The following GBE1 variants were observed in gnomAD, a reference collection of about 807,000 sequenced individuals.
GBE1 encodes 1,4-alpha-glucan-branching enzyme.
In GBE1, 70 loss-of-function variants were observed where a neutral mutation model predicts 88.8. That is an observed-to-expected ratio of 0.79 (90% CI 0.65 to 0.96). The LOEUF is 0.96. GBE1 is among the 40% of genes least tolerant of loss of function. GBE1 has a pLI of 0.00. For synonymous variants in GBE1, 284 were observed against 300.1 expected (o/e 0.95, Z 0.56); for missense variants, 872 against 871.0 (o/e 1.00, Z -0.01).
At chr3:81,501,758 C>T (rs368585244) in intron 14 of GBE1, among the ~76,000 whole-genome samples, 104 of 130,540 alleles carry the variant, frequency 8.0e-4, no homozygotes, top group African/African-American at 2.9e-3. Context: ...TGTAGTGGCA[C>T]GATCTTGCCT....
rs1258648783 is a variant in GBE1 at position 81,490,365 on chromosome 3, A to G, written c.*42T>C. 2.6e-6 allele frequency: 4 copies of G among 1,545,626 alleles called. No individual in the cohort carries two copies. The highest frequency in any genetic ancestry group is 3.6e-6 in the Non-Finnish European group (4 of 1,117,782). ...TGTGTGACAGTGATAACAAGAAAAC[A>G]AAACACAAATCTGCATCTGGTGGAG... On this transcript the variant is annotated 3_prime_UTR_variant, in exon 16 of 16. Coordinates refer to ENST00000429644, the MANE Select transcript of GBE1 (RefSeq NM_000158.4).
intron 6 of GBE1, among the ~76,000 whole-genome samples, chr3:81,645,988 C>G (rs1377737227): frequency 6.6e-6 from 1 of 152,188 alleles, no homozygotes; most frequent in Non-Finnish European, 1.5e-5. Flanking sequence ...GAGGGAAGGG[C>G]AGCCCTTCTG....
rs192620754 is a variant in GBE1 at position 81,723,587 on chromosome 3, C to T, written c.144-17974G>A. On this transcript the variant is annotated intron_variant, in intron 1 of 15. Coordinates refer to ENST00000429644, the MANE Select transcript of GBE1 (RefSeq NM_000158.4). ...CTGTTGCACAGAGAATCCCAGTGAT[C>T]GATCTATTTTATTATTGTTTGCTTC... Among the ~76,000 whole-genome samples the T allele has an allele frequency of 8.1e-4, 124 of 152,206 alleles. 2 individuals are homozygous for T. The highest frequency in any genetic ancestry group is 4.3e-3 in the Admixed American group (66 of 15,274).
At chr3:81,571,625 A>G (rs748652404) in intron 12 of GBE1, among the ~76,000 whole-genome samples, 1 of 152,196 alleles carries the variant, frequency 6.6e-6, no homozygotes, top group Non-Finnish European at 1.5e-5. Context: ...TACAATCCCC[A>G]GGAGGAAGAA....
chr3:81,526,881 T>C (rs1169073396), intron 14 of GBE1, among the ~76,000 whole-genome samples: 12 of 152,084 alleles, frequency 7.9e-5, no homozygotes, highest in Admixed American at 1.3e-4. Context: ...TTAAAGTTCA[T>C]ATGGAACCAA....
intron 12 of GBE1, among the ~76,000 whole-genome samples, chr3:81,553,718 T>A (rs1208356304): frequency 7.0e-6 from 1 of 143,846 alleles, no homozygotes; most frequent in African/African-American, 2.6e-5. Flanking sequence ...GAAAGTACAA[T>A]GGGGTAGAAA....
At chr3:81,753,050 T>C (rs2107238761) in intron 1 of GBE1, among the ~76,000 whole-genome samples, 2 of 152,324 alleles carry the variant, frequency 1.3e-5, no homozygotes, top group South Asian at 4.1e-4. Flanking sequence ...AAGAAATAAG[T>C]TCACAGAGGT....
chr3:81,495,714 A>G (rs745797773), intron 15 of GBE1, among the ~76,000 whole-genome samples: 4 of 152,178 alleles, frequency 2.6e-5, no homozygotes, highest in Non-Finnish European at 5.9e-5. Context: ...CTTTCTTCTA[A>G]AAAACTATTT....
intron 1 of GBE1, among the ~76,000 whole-genome samples, chr3:81,713,666 G>A (rs1275612886): frequency 6.6e-6 from 1 of 152,072 alleles, no homozygotes; most frequent in African/African-American, 2.4e-5. Context: ...TGGTACACAT[G>A]GTTTCTTATT....
At chr3:81,747,158 G>A (rs1706428900) in intron 1 of GBE1, among the ~76,000 whole-genome samples, 1 of 151,990 alleles carries the variant, frequency 6.6e-6, no homozygotes, top group African/African-American at 2.4e-5. Context: ...TAGAGAAAAT[G>A]TTCAGGTCCT....
intron 14 of GBE1, among the ~76,000 whole-genome samples, chr3:81,512,515 C>T (rs752556346): frequency 5.9e-5 from 9 of 151,778 alleles, no homozygotes; most frequent in Non-Finnish European, 1.3e-4. Flanking sequence ...TTAACCTCTA[C>T]AAATATAAAT....
chr3:81,739,581 C>T (rs1706318624), intron 1 of GBE1, among the ~76,000 whole-genome samples: 1 of 152,156 alleles, frequency 6.6e-6, no homozygotes, highest in Non-Finnish European at 1.5e-5. Flanking sequence ...CTCAAGAGCA[C>T]TGGGACCTAG....
At chr3:81,546,423 G>A (rs112297535) in intron 12 of GBE1, among the ~76,000 whole-genome samples, 4,980 of 151,912 alleles carry the variant, frequency 0.033, 106 homozygotes, top group Non-Finnish European at 0.051. Flanking sequence ...TTGAAGAGGG[G>A]CTGGGTAAAA....
Position 81,750,525 on chromosome 3 carries a change from A to ATATATATATATATGTATATATATATG in GBE1, c.143+10849_143+10850insCATATATATATACATATATATATATA, listed in dbSNP as rs1559708244. Among the ~76,000 whole-genome samples, 5 of 80,742 alleles carry ATATATATATATATGTATATATATATG rather than the reference A, an allele frequency of 6.2e-5. 1 individual carries two copies. Among genetic ancestry groups the ATATATATATATATGTATATATATATG allele is most frequent in the Non-Finnish European group, 1.1e-4 (5 of 46,976 alleles). The allele number at this position is 80,742 out of a possible 152,430, so 53.0% of individuals were successfully genotyped here. ...AAACCAATTTCATCTCAAAACATTC[A>ATATATATATATATGTATATATATATG]TATATATATATACGTATATATATAT... is the stretch of plus-strand genomic sequence containing the variant. On this transcript the variant is annotated intron_variant, in intron 1 of 15. Transcript: ENST00000429644.
At chr3:81,749,829 G>T (rs2107230992) in intron 1 of GBE1, among the ~76,000 whole-genome samples, 1 of 152,204 alleles carries the variant, frequency 6.6e-6, no homozygotes, top group African/African-American at 2.4e-5. Context: ...ATTTACAATT[G>T]TCTAAACAAT....
intron 7 of GBE1, among the ~76,000 whole-genome samples, chr3:81,635,616 C>A (rs1356594140): frequency 6.6e-6 from 1 of 152,172 alleles, no homozygotes; most frequent in African/African-American, 2.4e-5. Flanking sequence ...TGTTTTGCTA[C>A]ACCCAGATAA....
intron 7 of GBE1, among the ~76,000 whole-genome samples, chr3:81,634,199 C>T (rs2107041639): frequency 6.6e-6 from 1 of 152,292 alleles, no homozygotes; most frequent in South Asian, 2.1e-4. Context: ...AGTATAACTC[C>T]AAACTTTCCA....
intron 1 of GBE1, among the ~76,000 whole-genome samples, chr3:81,736,628 G>A (rs966024283): frequency 3.9e-5 from 6 of 152,142 alleles, no homozygotes. Context: ...GGAAATGAGA[G>A]GTAAATGTAC....
chr3:81,739,188 G>A (rs1042995914), intron 1 of GBE1, among the ~76,000 whole-genome samples: 10 of 151,954 alleles, frequency 6.6e-5, no homozygotes, highest in South Asian at 4.1e-4. Context: ...TATAAATTTC[G>A]GCAGAGGGAA....
Sources: allele counts gnomAD v4.1 joint callset (sites outside exome capture counted in the v4.1 genomes callset), GRCh38; gene constraint gnomAD v4.1.1; transcripts MANE v1.5; gene names NCBI Gene and HGNC (gene_info 2026-07-23, HGNC 2026-07-21).